Variants in EPB41L5 observed in about 807,000 individuals in gnomAD.
EPB41L5 encodes the protein band 4.1-like protein 5.
Under a neutral mutation model 106.6 loss-of-function variants are expected in EPB41L5, and 55 were observed. That is an observed-to-expected ratio of 0.52 (90% CI 0.42 to 0.65). The LOEUF is 0.65. Ranked by LOEUF, EPB41L5 falls within the 30% of genes least tolerant of loss-of-function variation. The pLI, the probability that EPB41L5 is intolerant of heterozygous loss-of-function variation, is 0.00. For missense variants in EPB41L5, 871 were observed against 882.1 expected, an observed-to-expected ratio of 0.99 and a Z score of 0.16; for synonymous variants, 297 against 306.7, an observed-to-expected ratio of 0.97 and a Z score of 0.33.
At chr2:120,098,269 G>A (rs187026194) in intron 14 of EPB41L5, among the ~76,000 whole-genome samples, 2 of 151,428 alleles carry the variant, frequency 1.3e-5, no homozygotes, top group East Asian at 3.9e-4. Context: ...CAATGCAGTG[G>A]CATCATCATG....
At chr2:120,076,567 T>C (rs973377745) in intron 7 of EPB41L5, among the ~76,000 whole-genome samples, 4 of 147,026 alleles carry the variant, frequency 2.7e-5, no homozygotes, top group Non-Finnish European at 6.0e-5. Flanking sequence ...CCCAAAGTAC[T>C]GTGACTATAA....
chr2:120,149,422 T>C (rs1270144524), intron 20 of EPB41L5, among the ~76,000 whole-genome samples: 1 of 152,198 alleles, frequency 6.6e-6, no homozygotes, highest in Non-Finnish European at 1.5e-5. Flanking sequence ...GGAAGTACTT[T>C]TCTACTTTCT....
chr2:120,050,478 G>A (rs944592065), intron 3 of EPB41L5, among the ~76,000 whole-genome samples: 43 of 152,210 alleles, frequency 2.8e-4, no homozygotes, highest in African/African-American at 9.9e-4. Flanking sequence ...CATGCATCAC[G>A]TCATTCTCGT....
chr2:120,046,209 C>T (rs1679765062), intron 3 of EPB41L5, among the ~76,000 whole-genome samples: 1 of 152,136 alleles, frequency 6.6e-6, no homozygotes, highest in African/African-American at 2.4e-5. Flanking sequence ...ATTTCTAGTT[C>T]TAGATCCTTG....
At chr2:120,120,932 A>G (rs575768196) in intron 16 of EPB41L5, among the ~76,000 whole-genome samples, 28 of 152,336 alleles carry the variant, frequency 1.8e-4, no homozygotes, top group Middle Eastern at 3.4e-3. Flanking sequence ...CCCGGCCAAC[A>G]TGGCGAAACC....
At chr2:120,100,937 A>G in intron 16 of EPB41L5, 123 bp downstream of exon 16, 1 of 656,462 alleles carries the variant, frequency 1.5e-6, no homozygotes, top group Non-Finnish European at 2.5e-6. Flanking sequence ...TGTGAGCTGG[A>G]AAGCTTATTA....
intron 19 of EPB41L5, among the ~76,000 whole-genome samples, chr2:120,145,531 G>A (rs1686359147): frequency 6.6e-6 from 1 of 152,128 alleles, no homozygotes; most frequent in Non-Finnish European, 1.5e-5. Flanking sequence ...GATTATGTGG[G>A]AAGCCTCAAG....
Position 120,151,610 on chromosome 2 carries a change from CTTT to C in EPB41L5, c.1793+5341_1793+5343del, listed in dbSNP as rs529496809. ...CAGGCAGGAGCCACTGCGTCTGGCCCTTTTTTTTTTTTTTTTTTTTTTAAAGAC... is the reference window on the plus strand; with the variant it reads ...CAGGCAGGAGCCACTGCGTCTGGCCCTTTTTTTTTTTTTTTTTTTAAAGAC... On this transcript the variant is annotated intron_variant, in intron 20 of 24. Transcript: ENST00000263713. Among the ~76,000 whole-genome samples the C allele has an allele frequency of 4.7e-3, 548 of 116,774 alleles. 1 individual carries two copies. The highest frequency in any genetic ancestry group is 7.3e-3 in the Non-Finnish European group (438 of 59,870). 76.6% of individuals were successfully genotyped at this position (116,774 alleles called of 152,430 possible).
intron 20 of EPB41L5, among the ~76,000 whole-genome samples, chr2:120,153,582 T>C (rs899477132): frequency 4.6e-5 from 7 of 152,208 alleles, no homozygotes; most frequent in Non-Finnish European, 8.8e-5. Context: ...TGAATGGAAG[T>C]GAAATATTTA....
chr2:120,068,566 C>A (rs1169908364), intron 3 of EPB41L5, among the ~76,000 whole-genome samples: 2 of 152,302 alleles, frequency 1.3e-5, no homozygotes, highest in African/African-American at 4.8e-5. Flanking sequence ...CGGTTTTCCC[C>A]TCACAGTATA....
chr2:120,019,134 A>G lies in EPB41L5; in HGVS notation c.50A>G (p.His17Arg), dbSNP rs185025809. 1 of 1,613,542 alleles carries G rather than the reference A, an allele frequency of 6.2e-7. No homozygotes were observed. Among genetic ancestry groups the G allele is most frequent in the African/African-American group, 1.3e-5 (1 of 74,968 alleles). Reference protein sequence around the residue: ...RTLGRRSMRKHAEKERLREAQ... With the variant: ...RTLGRRSMRKRAEKERLREAQ... Reference sequence around the variant, plus strand: ...CTAGGGCGTCGGTCTATGCGTAAACATGCAGAGAAGGAACGACTCCGAGAA... The same window carrying G: ...CTAGGGCGTCGGTCTATGCGTAAACGTGCAGAGAAGGAACGACTCCGAGAA... Residue 17 changes from histidine (H) to arginine (R), a missense_variant, in exon 2 of 25, where the codon CAT becomes CGT. Physicochemically the swap from His to Arg is conservative, Grantham distance 29. Coordinates refer to ENST00000263713, the MANE Select transcript of EPB41L5 (RefSeq NM_020909.4).
At chr2:120,015,922 A>C (rs1425965063) in intron 1 of EPB41L5, among the ~76,000 whole-genome samples, 6 of 151,988 alleles carry the variant, frequency 3.9e-5, no homozygotes, top group Admixed American at 2.6e-4. Context: ...AAAAAAAAAA[A>C]AAAACATAAA....
rs554583990 is a variant in EPB41L5, at chr2:120,017,936, A to G, written c.-8-1141A>G. On this transcript the variant is annotated intron_variant, in intron 1 of 24. Coordinates refer to ENST00000263713, the MANE Select transcript of EPB41L5 (RefSeq NM_020909.4). ...CTCAGCCTCCCCAGTAGCCGGGACT[A>G]CAGGCACCCGCCACCACACCCGGCC... Among the ~76,000 whole-genome samples the G allele has an allele frequency of 1.9e-4, 28 of 146,502 alleles. No individual in the cohort carries two copies. The East Asian group carries it at 4.8e-3, about 25-fold the overall frequency.
intron 16 of EPB41L5, among the ~76,000 whole-genome samples, chr2:120,109,178 AACTCTGTAT>A (rs1684608111): frequency 6.6e-6 from 1 of 152,184 alleles, no homozygotes; most frequent in Non-Finnish European, 1.5e-5. Flanking sequence ...GGTTAAATCC[AACTCTGTAT>A]ACTCTGCATA....
At chr2:120,013,373 G>C (rs1360973529) in intron 1 of EPB41L5, 163 bp downstream of exon 1, 1 of 152,132 alleles carries the variant, frequency 6.6e-6, no homozygotes. Context: ...CGTCGGGCCG[G>C]CAGGGCATTA....
At chr2:120,161,655 A>G (rs180834494) in intron 21 of EPB41L5, among the ~76,000 whole-genome samples, 10 of 152,258 alleles carry the variant, frequency 6.6e-5, no homozygotes, top group East Asian at 3.9e-4. Context: ...TGGGTCCCCA[A>G]TTCCTGTGCT....
intron 14 of EPB41L5, among the ~76,000 whole-genome samples, chr2:120,098,518 T>C (rs1288703802): frequency 6.6e-6 from 1 of 152,166 alleles, no homozygotes; most frequent in Non-Finnish European, 1.5e-5. Flanking sequence ...TCACCAATAG[T>C]ATTTCTTTGA....
At chr2:120,126,881 T>C (rs1430305204) in intron 16 of EPB41L5, among the ~76,000 whole-genome samples, 1 of 152,230 alleles carries the variant, frequency 6.6e-6, no homozygotes. Context: ...CCATCTTCAA[T>C]ATTAAGTGTT....
rs190413397 is a variant in EPB41L5, at chr2:120,040,255, T to C, written c.181-1751T>C. Among the ~76,000 whole-genome samples, 7 of 152,174 alleles carry C rather than the reference T, an allele frequency of 4.6e-5. No individual in the cohort carries two copies. The East Asian group carries it at 1.3e-3, about 29-fold the overall frequency. ...GAAGAGGTCCATATAGAATACAATA[T>C]GATTAAGAAAAACTCACACTTGTAC... On this transcript the variant is annotated intron_variant, in intron 2 of 24. Coordinates refer to ENST00000263713, the MANE Select transcript of EPB41L5 (RefSeq NM_020909.4).
Sources: gnomAD v4.1 joint callset for allele counts (sites outside exome capture counted in the v4.1 genomes callset) on GRCh38, gnomAD v4.1.1 for gene constraint, MANE v1.5 for transcripts, NCBI Gene and HGNC (gene_info 2026-07-23, HGNC 2026-07-21) for gene names.